ADORA2B: variants seen among roughly 807,000 people sequenced by gnomAD.
The protein encoded by ADORA2B is adenosine receptor A2b.
A neutral mutation model predicts 20.8 loss-of-function variants in ADORA2B; 18 were observed. The observed-to-expected ratio is 0.87, with a 90% CI of 0.60 to 1.29. ADORA2B has a LOEUF of 1.29. ADORA2B is among the 50% of genes most tolerant of loss of function. The pLI is 0.00. For synonymous variants in ADORA2B, 179 were observed against 178.3 expected (o/e 1.00, Z -0.03); for missense variants, 441 against 422.7 (o/e 1.04, Z -0.38).
chr17:15,874,875 C>A, the ADORA2B span, among the ~76,000 whole-genome samples: 1 of 152,138 alleles, frequency 6.6e-6, no homozygotes, highest in South Asian at 2.1e-4. Flanking sequence ...TCCTGTAAGG[C>A]TATTTAGTTT....
the ADORA2B span, among the ~76,000 whole-genome samples, chr17:15,889,362 A>G: frequency 1.5e-5 from 2 of 129,402 alleles, 1 homozygote; most frequent in Non-Finnish European, 3.3e-5. Context: ...TTAATTTGCT[A>G]TTTTCTGTCC....
the ADORA2B span, among the ~76,000 whole-genome samples, chr17:15,855,825 T>C: frequency 6.6e-6 from 1 of 151,968 alleles, no homozygotes; most frequent in Non-Finnish European, 1.5e-5. Context: ...CAATAGGTAG[T>C]TTTTCAACCT....
the ADORA2B span, among the ~76,000 whole-genome samples, chr17:15,884,485 C>T: frequency 6.6e-6 from 1 of 152,034 alleles, no homozygotes; most frequent in Non-Finnish European, 1.5e-5. Context: ...TGGTGGTTTG[C>T]TGCACAGATC....
chr17:15,931,655 T>C, the ADORA2B span, among the ~76,000 whole-genome samples: 1 of 152,246 alleles, frequency 6.6e-6, no homozygotes, highest in African/African-American at 2.4e-5. Context: ...TTACAAGCTA[T>C]GTGACTTGCT....
At chr17:15,928,568 G>A in the ADORA2B span, among the ~76,000 whole-genome samples, 1 of 152,218 alleles carries the variant, frequency 6.6e-6, no homozygotes, top group South Asian at 2.1e-4. Flanking sequence ...TGGGGGACAG[G>A]TAGAGGAAAT....
At chr17:15,917,779 G>T in the ADORA2B span, among the ~76,000 whole-genome samples, 1,372 of 152,332 alleles carry the variant, frequency 9.0e-3, 26 homozygotes, top group African/African-American at 0.031. Context: ...ACCGCTCCGG[G>T]CCTGGCGCGG....
chr17:15,959,946 A>G (rs1193997959), intron 1 of ADORA2B, among the ~76,000 whole-genome samples: 1 of 152,232 alleles, frequency 6.6e-6, no homozygotes, highest in African/African-American at 2.4e-5. Flanking sequence ...TTAATCTGAA[A>G]GAGTTCCTCA....
chr17:15,876,765 A>G, the ADORA2B span, among the ~76,000 whole-genome samples: 2 of 152,096 alleles, frequency 1.3e-5, no homozygotes, highest in Non-Finnish European at 2.9e-5. Flanking sequence ...TAATTGTGGC[A>G]AAATACGTAT....
At chr17:15,874,800 A>T in the ADORA2B span, among the ~76,000 whole-genome samples, 2 of 152,020 alleles carry the variant, frequency 1.3e-5, no homozygotes, top group African/African-American at 4.8e-5. Context: ...AGTTCCTAGA[A>T]GTGAATTTGC....
At chr17:15,876,953 C>T in the ADORA2B span, among the ~76,000 whole-genome samples, 1 of 152,174 alleles carries the variant, frequency 6.6e-6, no homozygotes, top group African/African-American at 2.4e-5. Context: ...TACTTTGTAT[C>T]ACTATGAATT....
the ADORA2B span, among the ~76,000 whole-genome samples, chr17:15,938,067 G>C: frequency 7.2e-5 from 11 of 152,196 alleles, no homozygotes; most frequent in East Asian, 1.9e-3. Flanking sequence ...TTATCATGCT[G>C]GTTGTAGTGG....
At chr17:15,905,798 G>GGGAC in the ADORA2B span, among the ~76,000 whole-genome samples, 3 of 152,032 alleles carry the variant, frequency 2.0e-5, no homozygotes, top group Non-Finnish European at 4.4e-5. Flanking sequence ...TGAGACTATA[G>GGGAC]GGACGTGCCC....
chr17:15,854,234 C>A, the ADORA2B span, among the ~76,000 whole-genome samples: 1 of 152,158 alleles, frequency 6.6e-6, no homozygotes, highest in Admixed American at 6.5e-5. Flanking sequence ...GGATTACAGG[C>A]GTGAGCCACC....
chr17:15,969,334 G>T (rs1328174447), intron 1 of ADORA2B, among the ~76,000 whole-genome samples: 6 of 152,148 alleles, frequency 3.9e-5, no homozygotes, highest in African/African-American at 1.4e-4. Context: ...GGCGCCTGTA[G>T]TCCCAGCTAC....
At chr17:15,896,057 G>A in the ADORA2B span, among the ~76,000 whole-genome samples, 5 of 152,184 alleles carry the variant, frequency 3.3e-5, no homozygotes, top group African/African-American at 1.2e-4. Context: ...AAGAGAGAAA[G>A]TCTCTTATGA....
chr17:15,863,880 A>G, the ADORA2B span, among the ~76,000 whole-genome samples: 2 of 152,108 alleles, frequency 1.3e-5, no homozygotes, highest in Non-Finnish European at 2.9e-5. Flanking sequence ...TTTCATGTTT[A>G]TTTCACACTG....
In ADORA2B at chr17:15,964,765, TA is replaced by T. The variant is rs759478919; in HGVS notation, c.336-9903del. ...GGAAATCTGAAAAATAGATGAATAT[TA>T]AAAAAAAAAATCTGGCCGGGCGCGG... On this transcript the variant is annotated intron_variant, in intron 1 of 1. Transcript: ENST00000304222. 9.2e-4 allele frequency among the ~76,000 whole-genome samples: 135 copies of T among 146,158 alleles called. 1 individual carries two copies. Among genetic ancestry groups the T allele is most frequent in the Admixed American group, 1.4e-3 (20 of 14,634 alleles).
the ADORA2B span, among the ~76,000 whole-genome samples, chr17:15,886,828 CAG>C: frequency 7.7e-6 from 1 of 129,924 alleles, no homozygotes; most frequent in African/African-American, 3.3e-5. Flanking sequence ...GACCTGCTCT[CAG>C]GATGCCACAG....
the ADORA2B span, among the ~76,000 whole-genome samples, chr17:15,853,817 G>T: frequency 6.6e-6 from 1 of 152,104 alleles, no homozygotes; most frequent in Non-Finnish European, 1.5e-5. Context: ...TAAGAGGCCA[G>T]TGTATCTTCG....
Sources: allele counts gnomAD v4.1 joint callset (sites outside exome capture counted in the v4.1 genomes callset), GRCh38; gene constraint gnomAD v4.1.1; transcripts MANE v1.5; gene names NCBI Gene and HGNC (gene_info 2026-07-23, HGNC 2026-07-21).